The following UNC5B variants were observed in gnomAD, a reference collection of about 807,000 sequenced individuals.
UNC5B encodes the protein netrin receptor UNC5B.
Under a neutral mutation model 103.7 loss-of-function variants are expected in UNC5B, and 56 were observed. The ratio of observed to expected loss-of-function variants is 0.54; its 90% CI spans 0.44 to 0.67. The LOEUF (loss-of-function observed/expected upper bound fraction) is 0.67, where lower values mean the gene tolerates loss of function less well. UNC5B is among the 30% of genes least tolerant of loss of function. The probability of loss-of-function intolerance (pLI) is 0.00; values close to 1 mark genes in which losing one functional copy is unlikely to be tolerated. For missense variants in UNC5B, 1,194 were observed against 1,284.5 expected (o/e 0.93, Z 1.08); for synonymous variants, 577 against 542.0 (o/e 1.06, Z -0.90).
intron 1 of UNC5B, among the ~76,000 whole-genome samples, chr10:71,229,922 C>T (rs946752032): frequency 3.3e-5 from 5 of 152,136 alleles, no homozygotes; most frequent in Admixed American, 6.5e-5. Context: ...AGGCACAGAG[C>T]GCGGCATGCA....
intron 1 of UNC5B, among the ~76,000 whole-genome samples, chr10:71,245,833 C>T (rs150360131): frequency 1.1e-4 from 17 of 152,308 alleles, no homozygotes; most frequent in Middle Eastern, 3.4e-3. Context: ...CATTGTGACC[C>T]GGCTTGTCAT....
intron 1 of UNC5B, among the ~76,000 whole-genome samples, chr10:71,260,064 G>T (rs144628469): frequency 0.011 from 1,601 of 152,306 alleles, 13 homozygotes; most frequent in Non-Finnish European, 0.016. Context: ...AGAGAGGTAG[G>T]GGGGGCATGA....
Position 71,257,265 on chromosome 10 carries a change from G to A in UNC5B, c.80-22556G>A, listed in dbSNP as rs565516382. Among the ~76,000 whole-genome samples the A allele has an allele frequency of 1.5e-4, 23 of 152,350 alleles. 1 individual carries two copies. The South Asian group carries it at 4.6e-3, about 30-fold the overall frequency. ...ATGGCCCACCACTCAGCTCTCCTGA[G>A]CCTCTCTCTGTGTCTTCTTAAATGG... On this transcript the variant is annotated intron_variant, in intron 1 of 16. Transcript: ENST00000335350.
chr10:71,286,902 C>T (rs1028702879), intron 5 of UNC5B, 33 bp downstream of exon 5: 5 of 1,605,202 alleles, frequency 3.1e-6, no homozygotes, highest in Non-Finnish European at 3.4e-6. Context: ...GGGGCAGACA[C>T]GGCCAAGGGA....
chr10:71,237,911 G>C (rs536430674), intron 1 of UNC5B, among the ~76,000 whole-genome samples: 1 of 152,318 alleles, frequency 6.6e-6, no homozygotes, highest in African/African-American at 2.4e-5. Context: ...ACCTGGAGCT[G>C]GGGAAGATGA....
chr10:71,244,654 C>T (rs893276305), intron 1 of UNC5B, among the ~76,000 whole-genome samples: 6 of 152,334 alleles, frequency 3.9e-5, no homozygotes, highest in Middle Eastern at 3.4e-3. Context: ...ATAAATATCA[C>T]AACCTCCAAG....
intron 2 of UNC5B, among the ~76,000 whole-genome samples, chr10:71,282,320 C>CACCAGCTTA (rs1340486571): frequency 2.6e-5 from 4 of 152,354 alleles, no homozygotes; most frequent in Admixed American, 2.6e-4. Flanking sequence ...CAGCCCAACC[C>CACCAGCTTA]TGGGTGTCCT....
intron 1 of UNC5B, among the ~76,000 whole-genome samples, chr10:71,256,166 G>T (rs1844285971): frequency 6.6e-6 from 1 of 152,180 alleles, no homozygotes. Context: ...AGGTGACATT[G>T]CACATGGAGC....
chr10:71,279,671 G>C (rs1589189264), intron 1 of UNC5B, 150 bp from the exon 2 acceptor site: 2 of 753,494 alleles, frequency 2.7e-6, no homozygotes, highest in Admixed American at 2.8e-5. Flanking sequence ...ACTTGACCCC[G>C]GTTGCAGATT....
At chr10:71,238,009 G>A (rs1406925211) in intron 1 of UNC5B, among the ~76,000 whole-genome samples, 2 of 152,174 alleles carry the variant, frequency 1.3e-5, no homozygotes, top group African/African-American at 2.4e-5. Context: ...GGGAGACAAG[G>A]CAGCTTCCAC....
chr10:71,294,951 G>A (rs532820405), intron 13 of UNC5B, among the ~76,000 whole-genome samples: 14 of 152,274 alleles, frequency 9.2e-5, no homozygotes, highest in East Asian at 1.9e-4. Context: ...ACACTTGGCC[G>A]TGTGTGAGCC....
intron 1 of UNC5B, among the ~76,000 whole-genome samples, chr10:71,244,281 C>A (rs1219175547): frequency 6.6e-6 from 1 of 152,272 alleles, no homozygotes; most frequent in Non-Finnish European, 1.5e-5. Context: ...TTCATCCCTA[C>A]AGCCTGGGCC....
intron 1 of UNC5B, among the ~76,000 whole-genome samples, chr10:71,227,860 G>A (rs1383068264): frequency 2.0e-5 from 3 of 151,886 alleles, no homozygotes; most frequent in East Asian, 1.9e-4. Context: ...AGTATTCACC[G>A]CTAGAGGTAT....
chr10:71,260,066 G>T (rs970361552), intron 1 of UNC5B, among the ~76,000 whole-genome samples: 1 of 152,186 alleles, frequency 6.6e-6, no homozygotes, highest in South Asian at 2.1e-4. Flanking sequence ...AGAGGTAGGG[G>T]GGGCATGAAG....
At chr10:71,260,272 G>A (rs1844386297) in intron 1 of UNC5B, among the ~76,000 whole-genome samples, 1 of 152,366 alleles carries the variant, frequency 6.6e-6, no homozygotes, top group Admixed American at 6.5e-5. Flanking sequence ...TCAGGATAGG[G>A]GAGGCAAGCA....
chr10:71,290,737 C>T (rs990514549), intron 8 of UNC5B, among the ~76,000 whole-genome samples, 178 bp from the exon 9 acceptor site: 3 of 152,172 alleles, frequency 2.0e-5, no homozygotes, highest in East Asian at 1.9e-4. Context: ...CCCATTTTAC[C>T]GATAGAGAGG....
chr10:71,262,264 G>A (rs536227742), intron 1 of UNC5B, among the ~76,000 whole-genome samples: 80 of 152,060 alleles, frequency 5.3e-4, no homozygotes, highest in Non-Finnish European at 7.8e-4. Context: ...CCTCATTACC[G>A]GAGCCTGGAA....
chr10:71,253,868 G>A (rs1391993171), intron 1 of UNC5B, among the ~76,000 whole-genome samples: 3 of 152,166 alleles, frequency 2.0e-5, no homozygotes, highest in African/African-American at 7.2e-5. Flanking sequence ...TGTTCAGGGA[G>A]CATTTGTTAA....
At chr10:71,244,489 G>A (rs934885175) in intron 1 of UNC5B, among the ~76,000 whole-genome samples, 3 of 152,242 alleles carry the variant, frequency 2.0e-5, no homozygotes, top group Non-Finnish European at 4.4e-5. Context: ...GAGCCAGGCA[G>A]AAGAGTCATA....
Sources: allele counts gnomAD v4.1 joint callset (sites outside exome capture counted in the v4.1 genomes callset), GRCh38; gene constraint gnomAD v4.1.1; transcripts MANE v1.5; gene names NCBI Gene and HGNC (gene_info 2026-07-23, HGNC 2026-07-21).